The following SETBP1 variants were observed in gnomAD, a reference collection of about 807,000 sequenced individuals.
SETBP1 encodes SET-binding protein.
SETBP1 carries 9 observed loss-of-function variants against 101.0 expected under a neutral mutation model. The observed-to-expected ratio is 0.09, with a 90% CI of 0.05 to 0.16. SETBP1 has a LOEUF of 0.16. SETBP1 is among the 10% of genes least tolerant of loss of function. The pLI, the probability that SETBP1 is intolerant of heterozygous loss-of-function variation, is 1.00. For missense variants in SETBP1, 1,858 were observed against 2,033.8 expected (o/e 0.91, Z 1.66); for synonymous variants, 818 against 788.5 (o/e 1.04, Z -0.63).
intron 5 of SETBP1, among the ~76,000 whole-genome samples, chr18:45,062,022 TTGTG>T (rs148174411): frequency 6.6e-6 from 1 of 151,060 alleles, no homozygotes; most frequent in Non-Finnish European, 1.5e-5. Context: ...ATGTGCCCAT[TTGTG>T]TGTGTGTGTG....
At chr18:44,737,474 C>T (rs1356857007) in intron 2 of SETBP1, among the ~76,000 whole-genome samples, 1 of 152,126 alleles carries the variant, frequency 6.6e-6, no homozygotes, top group African/African-American at 2.4e-5. Flanking sequence ...GTACACTGTG[C>T]TTACTTAATA....
chr18:44,992,144 A>G (rs1021179542), intron 4 of SETBP1, among the ~76,000 whole-genome samples: 2 of 152,156 alleles, frequency 1.3e-5, no homozygotes, highest in Non-Finnish European at 2.9e-5. Context: ...GATTTACATT[A>G]GGAAATAAGA....
At chr18:44,780,973 C>T (rs1157301143) in intron 2 of SETBP1, among the ~76,000 whole-genome samples, 1 of 152,090 alleles carries the variant, frequency 6.6e-6, no homozygotes, top group Non-Finnish European at 1.5e-5. Context: ...AGGGGAACAG[C>T]TTATTCAAAT....
intron 4 of SETBP1, among the ~76,000 whole-genome samples, chr18:45,031,823 A>G (rs879155210): frequency 6.6e-6 from 1 of 152,204 alleles, no homozygotes; most frequent in Non-Finnish European, 1.5e-5. Flanking sequence ...CTGTTACAGA[A>G]GTATGTTCAG....
At chr18:44,746,782 G>T (rs763809982) in intron 2 of SETBP1, among the ~76,000 whole-genome samples, 1 of 152,196 alleles carries the variant, frequency 6.6e-6, no homozygotes, top group East Asian at 1.9e-4. Flanking sequence ...AAGAACAAGC[G>T]GGTGGGGTCT....
intron 4 of SETBP1, among the ~76,000 whole-genome samples, chr18:44,984,622 A>C (rs2037006003): frequency 6.6e-6 from 1 of 152,156 alleles, no homozygotes; most frequent in Non-Finnish European, 1.5e-5. Flanking sequence ...TGATGAAGTG[A>C]TGTTGGCATT....
intron 5 of SETBP1, among the ~76,000 whole-genome samples, chr18:45,045,939 A>C (rs2073603819): frequency 6.6e-6 from 1 of 151,990 alleles, no homozygotes; most frequent in African/African-American, 2.4e-5. Flanking sequence ...TGAATGGCTA[A>C]TTCATGATGC....
intron 4 of SETBP1, among the ~76,000 whole-genome samples, chr18:44,977,357 G>C (rs1400107468): frequency 6.6e-6 from 1 of 152,214 alleles, no homozygotes; most frequent in Non-Finnish European, 1.5e-5. Context: ...ATCTAACTTT[G>C]GTTATAAACC....
chr18:44,735,995 T>TA (rs2144429426), intron 2 of SETBP1, among the ~76,000 whole-genome samples: 1 of 152,328 alleles, frequency 6.6e-6, no homozygotes, highest in East Asian at 1.9e-4. Context: ...CACTATCAGC[T>TA]GCTGCTGCCT....
chr18:44,948,514 T>TAGATAGATAGATAGAC (rs1172451038), intron 3 of SETBP1, among the ~76,000 whole-genome samples: 2 of 151,932 alleles, frequency 1.3e-5, no homozygotes, highest in African/African-American at 4.8e-5. Context: ...GATAGATAGA[T>TAGATAGATAGATAGAC]AGATAGATAG....
rs34433996 is a variant in SETBP1, at chr18:45,003,687, G to GA, written c.4001-34782dup. The stretch of plus-strand genomic sequence containing the variant: ...TGCTGGAAGAATAGTAATGTCATGG[G>GA]AAAAAAAAAAAAAAAACAGCAGTAA... On this transcript the variant is annotated intron_variant, in intron 4 of 5. Transcript: ENST00000649279. Among the ~76,000 whole-genome samples the GA allele has an allele frequency of 8.5e-3, 1,147 of 135,478 alleles. 8 individuals are homozygous for GA. Among genetic ancestry groups the GA allele is most frequent in the African/African-American group, 0.014 (511 of 36,534 alleles). The allele number at this position is 135,478 out of a possible 152,430, so 88.9% of individuals were successfully genotyped here.
At chr18:45,057,359 C>G (rs1336663754) in intron 5 of SETBP1, among the ~76,000 whole-genome samples, 1 of 151,866 alleles carries the variant, frequency 6.6e-6, no homozygotes, top group Non-Finnish European at 1.5e-5. Context: ...CCAAGGCAAG[C>G]AGAAGTACAA....
At chr18:44,933,268 A>T (rs1191820771) in intron 3 of SETBP1, among the ~76,000 whole-genome samples, 1 of 152,190 alleles carries the variant, frequency 6.6e-6, no homozygotes, top group African/African-American at 2.4e-5. Context: ...AGAACAGCAA[A>T]TATTGCACAA....
At chr18:45,039,506 G>T (rs760876726) in intron 5 of SETBP1, among the ~76,000 whole-genome samples, 1 of 152,140 alleles carries the variant, frequency 6.6e-6, no homozygotes, top group Non-Finnish European at 1.5e-5. Context: ...AATCTCTACC[G>T]TGCAGTTCCC....
intron 4 of SETBP1, among the ~76,000 whole-genome samples, chr18:45,036,350 G>C (rs1474766865): frequency 6.9e-6 from 1 of 144,242 alleles, no homozygotes; most frequent in Non-Finnish European, 1.5e-5. Context: ...AAAAAAAAAA[G>C]GCTAAGAAGT....
chr18:44,819,085 C>G (rs772545639), intron 2 of SETBP1, among the ~76,000 whole-genome samples: 9 of 151,834 alleles, frequency 5.9e-5, no homozygotes, highest in Non-Finnish European at 1.3e-4. Context: ...TTTTATGTAG[C>G]TTTTTATTCT....
At chr18:44,737,618 G>A (rs1005411802) in intron 2 of SETBP1, among the ~76,000 whole-genome samples, 8 of 152,160 alleles carry the variant, frequency 5.3e-5, no homozygotes, top group African/African-American at 1.9e-4. Flanking sequence ...ACCTTAGAAG[G>A]GTCACTTCAC....
rs141888522 is a variant in SETBP1, at chr18:44,899,313, G to A, written c.540+30030G>A. Among the ~76,000 whole-genome samples, 181 of 152,268 alleles carry A rather than the reference G, an allele frequency of 1.2e-3. 1 individual carries two copies. Among genetic ancestry groups the A allele is most frequent in the African/African-American group, 4.2e-3 (175 of 41,558 alleles). ...AGTCACATTTGTCGAGTAATTTCCA[G>A]ACACCAAACTTTTTTGGGGAATAGA... On this transcript the variant is annotated intron_variant, in intron 3 of 5. Transcript: ENST00000649279.
chr18:44,875,688 G>A (rs541429738), intron 3 of SETBP1, among the ~76,000 whole-genome samples: 8 of 152,196 alleles, frequency 5.3e-5, no homozygotes, highest in East Asian at 1.9e-4. Context: ...TATAGATGCC[G>A]GAAGATGTTC....
Sources: gnomAD v4.1 joint callset for allele counts (sites outside exome capture counted in the v4.1 genomes callset) on GRCh38, gnomAD v4.1.1 for gene constraint, MANE v1.5 for transcripts, NCBI Gene and HGNC (gene_info 2026-07-23, HGNC 2026-07-21) for gene names.